Variants in DMRTC2 observed in about 807,000 individuals in gnomAD.
DMRTC2 encodes DMRT like family C2.
Under a neutral mutation model 39.9 loss-of-function variants are expected in DMRTC2, and 13 were observed. The observed-to-expected ratio is 0.33, with a 90% CI of 0.21 to 0.52. The LOEUF (loss-of-function observed/expected upper bound fraction) is 0.52. Ranked by LOEUF, DMRTC2 falls within the 20% of genes least tolerant of loss-of-function variation. The probability of loss-of-function intolerance (pLI) is 0.96; values close to 1 mark genes in which losing one functional copy is unlikely to be tolerated. For synonymous variants in DMRTC2, 189 were observed against 185.2 expected, an observed-to-expected ratio of 1.02 and a Z score of -0.17; for missense variants, 431 against 472.8, an observed-to-expected ratio of 0.91 and a Z score of 0.82.
At chr19:41,850,496 C>T (rs782326063) in intron 7 of DMRTC2, 30 bp from the exon 8 acceptor site, 15 of 1,592,108 alleles carry the variant, frequency 9.4e-6, no homozygotes, top group Non-Finnish European at 1.3e-5. Context: ...GCGGGGGTTC[C>T]CAGTCTGCTT....
intron 1 of DMRTC2, among the ~76,000 whole-genome samples, chr19:41,846,134 C>T (rs1469000476): frequency 2.6e-5 from 4 of 152,110 alleles, no homozygotes; most frequent in Non-Finnish European, 5.9e-5. Flanking sequence ...TGCAAGGAGG[C>T]AGTTGCTTTG....
chr19:41,848,556 T>C (rs946081442), intron 4 of DMRTC2, 28 bp downstream of exon 4: 4 of 1,499,672 alleles, frequency 2.7e-6, no homozygotes, highest in Admixed American at 2.1e-5. Flanking sequence ...CCTGAGAAAG[T>C]GTCCCCCACC....
intron 6 of DMRTC2, 89 bp downstream of exon 6, chr19:41,849,345 A>G (rs2073920967): frequency 6.5e-7 from 1 of 1,536,092 alleles, no homozygotes; most frequent in South Asian, 1.2e-5. Flanking sequence ...GTGGATAATG[A>G]AGATGAAAAG....
chr19:41,847,003 C>G (rs895977250), intron 1 of DMRTC2, among the ~76,000 whole-genome samples: 24 of 151,576 alleles, frequency 1.6e-4, no homozygotes, highest in Non-Finnish European at 2.9e-4. Context: ...TGGTGAAACA[C>G]CATCTCTACT....
chr19:41,850,790 C>A, intron 8 of DMRTC2, 90 bp downstream of exon 8: 2 of 1,378,782 alleles, frequency 1.5e-6, no homozygotes, highest in Non-Finnish European at 1.9e-6. Context: ...ATGAGGGGGT[C>A]GACAGGTTGA....
At chr19:41,851,292 GCA>G in intron 8 of DMRTC2, 1 of 346,732 alleles carries the variant, frequency 2.9e-6, no homozygotes, top group Non-Finnish European at 5.3e-6. Context: ...TGGAGATCTG[GCA>G]TGCCAGGCTT....
intron 6 of DMRTC2, 136 bp downstream of exon 6, chr19:41,849,392 A>G (rs2073921733): frequency 7.9e-7 from 1 of 1,273,590 alleles, no homozygotes; most frequent in African/African-American, 1.5e-5. Flanking sequence ...CTCTCCTAGT[A>G]CTGCCATTTC....
chr19:41,846,506 G>C (rs2073850761), intron 1 of DMRTC2, among the ~76,000 whole-genome samples: 1 of 151,906 alleles, frequency 6.6e-6, no homozygotes, highest in Admixed American at 6.6e-5. Flanking sequence ...CCAGGAGTTC[G>C]AGACCAGACC....
chr19:41,845,075 C>G lies in DMRTC2; in HGVS notation c.-31C>G, dbSNP rs1417750214. On this transcript the variant is annotated 5_prime_UTR_variant, in exon 1 of 9. Coordinates refer to ENST00000269945, the MANE Select transcript of DMRTC2 (RefSeq NM_001040283.3). The stretch of plus-strand genomic sequence containing the variant: ...ACAGTGTCTTTGGGCGTCTTCTTGA[C>G]TGAATCTGACTCCATTGGAGGCTGT... 1.3e-5 allele frequency: 2 copies of G among 152,246 alleles called. No individual in the cohort carries two copies. The highest frequency in any genetic ancestry group is 2.9e-5 in the Non-Finnish European group (2 of 68,058). 9.4% of individuals were successfully genotyped at this position (152,246 alleles called of 1,614,324 possible).
chr19:41,850,801 A>C, intron 8 of DMRTC2, 101 bp downstream of exon 8: 2 of 1,286,834 alleles, frequency 1.6e-6, no homozygotes, highest in Non-Finnish European at 2.1e-6. Flanking sequence ...GACAGGTTGA[A>C]CGTCTTCAGG....
Position 41,848,948 on chromosome 19 carries a change from C to T in DMRTC2, c.601C>T (p.Pro201Ser), listed in dbSNP as rs782329023. The T allele has an allele frequency of 3.1e-6, 5 of 1,613,976 alleles. No individual in the cohort carries two copies. The highest frequency in any genetic ancestry group is 2.7e-5 in the African/African-American group (2 of 74,918). ...PVVCRLLYQEPAVSLPPFPGF... is the reference protein window; with the variant it reads ...PVVCRLLYQESAVSLPPFPGF... ...GGTGTGCCGCCTGCTGTACCAAGAA[C>T]CTGCTGTCTCTCTGCCTCCCTTCCC... The change falls in exon 5 of 9, where the codon CCT (proline) becomes TCT (serine). Residue 201 changes from proline to serine, a missense_variant. By Grantham distance (74) the Pro-to-Ser change is moderately conservative. Coordinates refer to ENST00000269945, the MANE Select transcript of DMRTC2 (RefSeq NM_001040283.3).
chr19:41,848,306 A>G, intron 3 of DMRTC2, 146 bp from the exon 4 acceptor site: 1 of 655,100 alleles, frequency 1.5e-6, no homozygotes, highest in Non-Finnish European at 2.6e-6. Context: ...AGATCACGCC[A>G]CTGCACTCCA....
At position 41,848,680 on chromosome 19, in the gene DMRTC2, G is replaced by T. The variant is rs1459368213; in HGVS notation, c.448-115G>T. ...CTGCTCTTCTCTAGGCAAAATGAGGGGAAAACGAGGGCCTCCCAGCCCCAA... is the reference window on the plus strand; with the variant it reads ...CTGCTCTTCTCTAGGCAAAATGAGGTGAAAACGAGGGCCTCCCAGCCCCAA... On this transcript the variant is annotated intron_variant, in intron 4 of 8. Coordinates refer to ENST00000269945, the MANE Select transcript of DMRTC2 (RefSeq NM_001040283.3). 5.2e-6 allele frequency: 8 copies of T among 1,548,900 alleles called. No homozygotes were observed. In the Admixed American group the frequency reaches 1.4e-4, roughly 26 times the overall value.
rs1555837069 is a variant in DMRTC2 at position 41,850,390 on chromosome 19, G to C, written c.816+18G>C. On this transcript the variant is annotated intron_variant, in intron 7 of 8. Coordinates refer to ENST00000269945, the MANE Select transcript of DMRTC2 (RefSeq NM_001040283.3). The stretch of plus-strand genomic sequence containing the variant: ...AGCCACAGGTCCTGGGAAAGAAGTG[G>C]GATCTAGGGCCCTGGGAGGAGGTTG... 18 of 1,540,890 alleles carry C rather than the reference G, an allele frequency of 1.2e-5. No individual in the cohort carries two copies. The highest frequency in any genetic ancestry group is 1.5e-5 in the Non-Finnish European group (17 of 1,145,042).
At position 41,847,816 on chromosome 19, in the gene DMRTC2, G is replaced by A. The variant is rs529722594; in HGVS notation, c.305G>A (p.Arg102Lys). The change falls in exon 3 of 9, where the codon AGA (arginine) becomes AAA (lysine). Residue 102 changes from arginine to lysine, a missense_variant. Coordinates refer to ENST00000269945, the MANE Select transcript of DMRTC2 (RefSeq NM_001040283.3). Reference protein sequence around the residue: ...EAQLKKHLMRRGEASPKAPNH... With the variant: ...EAQLKKHLMRKGEASPKAPNH... ...CAGCTAAAGAAGCACCTGATGAGGA[G>A]AGGGGAAGCCTCTCCCAAAGCTCCC... The A allele has an allele frequency of 3.7e-6, 6 of 1,603,774 alleles. No homozygotes were observed. The Admixed American group carries it at 6.9e-5, about 18-fold the overall frequency.
At chr19:41,850,941 G>A in intron 8 of DMRTC2, 2 of 463,738 alleles carry the variant, frequency 4.3e-6, no homozygotes, top group Non-Finnish European at 7.6e-6. Flanking sequence ...ACTGAGAAAG[G>A]CAGGGACTTG....
At chr19:41,850,459 T>C in intron 7 of DMRTC2, 67 bp from the exon 8 acceptor site, 1 of 1,578,750 alleles carries the variant, frequency 6.3e-7, no homozygotes, top group Non-Finnish European at 8.6e-7. Context: ...AAGCAGGGGC[T>C]GAGGAACACT....
Position 41,851,619 on chromosome 19 carries a change from C to T in DMRTC2, c.1027C>T (p.Pro343Ser), listed in dbSNP as rs782633246. Residue 343 changes from proline (P) to serine (S), a missense_variant, in exon 9 of 9, where the codon CCC becomes TCC. Pro to Ser is a moderately conservative substitution (Grantham distance 74, BLOSUM62 -1). Transcript: ENST00000269945. ...AGGRGFQPVGPCLRPSPAPSV... is the reference protein window; with the variant it reads ...AGGRGFQPVGSCLRPSPAPSV... The stretch of plus-strand genomic sequence containing the variant: ...AGGAAGAGGATTCCAGCCTGTTGGC[C>T]CCTGTCTTCGACCCAGCCCAGCCCC... 2.5e-6 allele frequency: 4 copies of T among 1,614,046 alleles called. No homozygotes were observed. The African/African-American group carries it at 4.0e-5, about 16-fold the overall frequency.
At chr19:41,846,040 A>G (rs1183961673) in intron 1 of DMRTC2, among the ~76,000 whole-genome samples, 1 of 152,102 alleles carries the variant, frequency 6.6e-6, no homozygotes, top group Non-Finnish European at 1.5e-5. Context: ...GGAGCAGGGA[A>G]TCCATGAGAA....
Sources: allele counts gnomAD v4.1 joint callset (sites outside exome capture counted in the v4.1 genomes callset), GRCh38; gene constraint gnomAD v4.1.1; transcripts MANE v1.5; gene names NCBI Gene and HGNC (gene_info 2026-07-23, HGNC 2026-07-21).